WDR33: variants seen among roughly 807,000 people sequenced by gnomAD.
The protein encoded by WDR33 is WD repeat domain 33.
WDR33 carries 47 observed loss-of-function variants against 164.9 expected under a neutral mutation model. The ratio of observed to expected loss-of-function variants is 0.29; its 90% CI spans 0.23 to 0.36. The LOEUF (loss-of-function observed/expected upper bound fraction) is 0.36. Ranked by LOEUF, WDR33 falls within the 10% of genes least tolerant of loss-of-function variation. The probability of loss-of-function intolerance (pLI) is 1.00; values close to 1 mark genes in which losing one functional copy is unlikely to be tolerated. For missense variants in WDR33, 1,137 were observed against 1,754.1 expected, an observed-to-expected ratio of 0.65 and a Z score of 6.28; for synonymous variants, 505 against 589.0, an observed-to-expected ratio of 0.86 and a Z score of 2.06.
At chr2:127,787,440 A>G (rs1573460490) in intron 1 of WDR33, among the ~76,000 whole-genome samples, 4 of 134,412 alleles carry the variant, frequency 3.0e-5, no homozygotes, top group Admixed American at 7.0e-5. Flanking sequence ...GTGGCCGGGC[A>G]GAGGCGCCCC....
At chr2:127,750,709 T>TGCATAC (rs1558936987) in intron 7 of WDR33, among the ~76,000 whole-genome samples, 1 of 55,848 alleles carries the variant, frequency 1.8e-5, no homozygotes, top group African/African-American at 1.0e-4. Context: ...TATATATATA[T>TGCATAC]ATATGTATGT....
At chr2:127,799,337 T>C (rs1273580929) in intron 1 of WDR33, among the ~76,000 whole-genome samples, 1 of 151,838 alleles carries the variant, frequency 6.6e-6, no homozygotes, top group African/African-American at 2.4e-5. Flanking sequence ...GAAAAAAAGT[T>C]AAAAAAAGGA....
chr2:127,744,968 G>A (rs1687125536), intron 7 of WDR33, among the ~76,000 whole-genome samples: 1 of 152,106 alleles, frequency 6.6e-6, no homozygotes, highest in Non-Finnish European at 1.5e-5. Context: ...TCTTCGGCTT[G>A]ATTGGTTAGA....
In WDR33 at chr2:127,739,715, T is replaced by C. The variant is rs569835649; in HGVS notation, c.725-12938A>G. ...AACATTCAATGAATAAAAGCTTTCATTGTGATCCAATCTCTGCCCTGAAAA... is the reference window on the plus strand; with the variant it reads ...AACATTCAATGAATAAAAGCTTTCACTGTGATCCAATCTCTGCCCTGAAAA... On this transcript the variant is annotated intron_variant, in intron 7 of 21. Coordinates refer to ENST00000322313, the MANE Select transcript of WDR33 (RefSeq NM_018383.5). Among the ~76,000 whole-genome samples, 5 of 152,242 alleles carry C rather than the reference T, an allele frequency of 3.3e-5. No homozygotes were observed. In the South Asian group the frequency reaches 6.2e-4, roughly 19 times the overall value.
chr2:127,756,347 A>G (rs1473187563), intron 7 of WDR33, among the ~76,000 whole-genome samples: 3 of 151,604 alleles, frequency 2.0e-5, no homozygotes, highest in African/African-American at 7.3e-5. Context: ...AAAAAAAAAA[A>G]AAGGTAATTA....
chr2:127,757,893 T>C (rs558978524), intron 7 of WDR33, among the ~76,000 whole-genome samples: 1 of 152,290 alleles, frequency 6.6e-6, no homozygotes, highest in South Asian at 2.1e-4. Context: ...TCTCATGTAG[T>C]ATAAACCACC....
intron 18 of WDR33, among the ~76,000 whole-genome samples, chr2:127,711,780 A>ATATATATATATATTTTT: frequency 1.1e-5 from 1 of 88,320 alleles, no homozygotes; most frequent in African/African-American, 6.5e-5. Flanking sequence ...ATATATATAT[A>ATATATATATATATTTTT]TTTTTTTTTT....
chr2:127,781,026 A>G (rs1352385435), intron 1 of WDR33, among the ~76,000 whole-genome samples: 1 of 151,908 alleles, frequency 6.6e-6, no homozygotes, highest in Admixed American at 6.6e-5. Flanking sequence ...ACACCCGGCT[A>G]ATTTTTTTCG....
chr2:127,738,712 C>A lies in WDR33; in HGVS notation c.725-11935G>T, dbSNP rs1211200208. 6.6e-6 allele frequency among the ~76,000 whole-genome samples: 1 copy of A among 152,122 alleles called. No homozygotes were observed. The highest frequency in any genetic ancestry group is 2.4e-5 in the African/African-American group (1 of 41,424). On this transcript the variant is annotated intron_variant, in intron 7 of 21. Transcript: ENST00000322313. The surrounding 1 kb of genome is among the most constrained non-coding windows in gnomAD (Gnocchi z 4.4). ...CATGAGAGAAATAGTAGATAAATCA[C>A]AACTGAGGGACATTCTGCAATATAC...
intron 1 of WDR33, among the ~76,000 whole-genome samples, chr2:127,789,844 A>AT (rs1212744259): frequency 2.7e-5 from 4 of 149,538 alleles, no homozygotes; most frequent in East Asian, 1.9e-4. Context: ...CTAAAAAAAA[A>AT]TTTTTTTTTG....
intron 3 of WDR33, 82 bp downstream of exon 3, chr2:127,768,851 G>T: frequency 1.1e-6 from 1 of 945,718 alleles, no homozygotes; most frequent in South Asian, 1.4e-5. Flanking sequence ...AGACCATTTT[G>T]GACTTGAAGT....
intron 1 of WDR33, among the ~76,000 whole-genome samples, chr2:127,786,373 C>G (rs1688571723): frequency 6.6e-6 from 1 of 152,200 alleles, no homozygotes; most frequent in Non-Finnish European, 1.5e-5. Flanking sequence ...CAGATGTTCA[C>G]TATTACAATA....
chr2:127,718,240 G>T lies in WDR33; in HGVS notation c.2761-977C>A, dbSNP rs1686343320. Reference sequence around the variant, plus strand: ...GTCATCTTTACATTAGGGATTCGTGGTGGTATTTGAAAAACCAAAACAGAC... The same window carrying T: ...GTCATCTTTACATTAGGGATTCGTGTTGGTATTTGAAAAACCAAAACAGAC... On this transcript the variant is annotated intron_variant, in intron 16 of 21. Coordinates refer to ENST00000322313, the MANE Select transcript of WDR33 (RefSeq NM_018383.5). The surrounding 1 kb of genome is among the most constrained non-coding windows in gnomAD (Gnocchi z 4.4). 1.3e-5 allele frequency among the ~76,000 whole-genome samples: 2 copies of T among 152,060 alleles called. 1 individual carries two copies. Among genetic ancestry groups the T allele is most frequent in the South Asian group, 4.2e-4 (2 of 4,818 alleles).
chr2:127,707,189 A>G (rs1024285125), intron 21 of WDR33, among the ~76,000 whole-genome samples: 1 of 151,486 alleles, frequency 6.6e-6, no homozygotes, highest in African/African-American at 2.4e-5. Context: ...TTTAGGTACT[A>G]TTAAAATTCT....
At chr2:127,788,501 G>C (rs1247634445) in intron 1 of WDR33, among the ~76,000 whole-genome samples, 4 of 128,332 alleles carry the variant, frequency 3.1e-5, no homozygotes, top group Non-Finnish European at 3.3e-5. Flanking sequence ...TCCCGGACGG[G>C]GCGGCTGGCC....
intron 7 of WDR33, 167 bp downstream of exon 7, chr2:127,762,895 G>A (rs1448548665): frequency 1.4e-6 from 2 of 1,417,096 alleles, no homozygotes; most frequent in Non-Finnish European, 1.8e-6. Flanking sequence ...CCTACAAAAT[G>A]ACTGTGAGTC....
intron 1 of WDR33, among the ~76,000 whole-genome samples, chr2:127,792,655 A>G (rs1688880319): frequency 6.6e-6 from 1 of 152,048 alleles, no homozygotes. Flanking sequence ...GACTGGGCAA[A>G]AAAGAGTGAG....
intron 7 of WDR33, among the ~76,000 whole-genome samples, chr2:127,754,231 T>C (rs570010735): frequency 2.0e-5 from 3 of 152,234 alleles, no homozygotes; most frequent in Non-Finnish European, 2.9e-5. Flanking sequence ...CTTAACTCTT[T>C]GCAATGCTTG....
At chr2:127,765,810 A>G (rs1687803883) in intron 4 of WDR33, among the ~76,000 whole-genome samples, 1 of 151,658 alleles carries the variant, frequency 6.6e-6, no homozygotes, top group African/African-American at 2.4e-5. Context: ...AAAAAAAAAA[A>G]GTAAGCTCTC....
Sources: gnomAD v4.1 joint callset for allele counts (sites outside exome capture counted in the v4.1 genomes callset) on GRCh38, gnomAD v4.1.1 for gene constraint, Gnocchi (gnomAD v3.1) non-coding constraint, MANE v1.5 for transcripts, NCBI Gene and HGNC (gene_info 2026-07-23, HGNC 2026-07-21) for gene names.